The following SRP54 variants were observed in gnomAD, a reference collection of about 807,000 sequenced individuals.
SRP54 encodes signal recognition particle subunit SRP54.
In SRP54, 10 loss-of-function variants were observed where a neutral mutation model predicts 64.8. The observed-to-expected ratio is 0.15, with a 90% confidence interval of 0.10 to 0.26. The LOEUF is 0.26. SRP54 is among the 10% of genes least tolerant of loss of function. SRP54 has a pLI of 1.00. For missense variants in SRP54, 325 were observed against 613.7 expected (o/e 0.53, Z 4.97); for synonymous variants, 193 against 185.6 (o/e 1.04, Z -0.32).
Position 35,000,987 on chromosome 14 carries a change from G to T in SRP54, c.222G>T (p.Met74Ile), listed in dbSNP as rs767426097. ...CATCTGGTCTTAACAAAAGAAAAAT[G>T]ATTCAGCATGCTGTATTTAAAGAAC... ...EMASGLNKRK[M>I]IQHAVFKELV... is the part of the protein sequence containing the mutation. Residue 74 changes from methionine (M) to isoleucine (I), a missense_variant, in exon 4 of 16, where the codon ATG becomes ATT. Coordinates refer to ENST00000216774, the MANE Select transcript of SRP54 (RefSeq NM_003136.4). 9 of 1,594,560 alleles carry T rather than the reference G, an allele frequency of 5.6e-6. No homozygotes were observed. The highest frequency in any genetic ancestry group is 7.7e-6 in the Non-Finnish European group (9 of 1,170,560).
rs968988436 is a variant in SRP54, at chr14:34,987,496, G to T, written c.-34+4281G>T. Among the ~76,000 whole-genome samples the T allele has an allele frequency of 1.3e-5, 2 of 151,976 alleles. 1 individual carries two copies. The highest frequency in any genetic ancestry group is 6.8e-3 in the Middle Eastern group (2 of 292). Reference sequence around the variant, plus strand: ...AACTATTAATCCACTTTCTGTCTCTGTAGATTTATGTATTCTGAACAATTC... The same window carrying T: ...AACTATTAATCCACTTTCTGTCTCTTTAGATTTATGTATTCTGAACAATTC... On this transcript the variant is annotated intron_variant, in intron 1 of 15. Coordinates refer to ENST00000216774, the MANE Select transcript of SRP54 (RefSeq NM_003136.4).
chr14:35,004,678 A>G (rs1442401348), intron 4 of SRP54: 1 of 152,334 alleles, frequency 6.6e-6, no homozygotes, highest in East Asian at 1.9e-4. Context: ...TAAAACATAT[A>G]TGTTCCAAAT....
rs2044272609 is a variant in SRP54, at chr14:35,007,351, A to G, written c.324A>G (p.Gly108=). ...KGKQNVIMFV[G]LQGSGKTTTC... Reference sequence around the variant, plus strand: ...AACAAAATGTGATTATGTTTGTTGGATTGCAAGGGAGTGGTAAAACAACAA... The same window carrying G: ...AACAAAATGTGATTATGTTTGTTGGGTTGCAAGGGAGTGGTAAAACAACAA... Residue 108 remains glycine, a synonymous_variant, in exon 5 of 16, where the codon GGA becomes GGG. Transcript: ENST00000216774. 1 of 1,595,548 alleles carries G rather than the reference A, an allele frequency of 6.3e-7. No individual in the cohort carries two copies.
Position 35,002,600 on chromosome 14 carries a change from T to C in SRP54, c.255+1580T>C, listed in dbSNP as rs1280477167. Among the ~76,000 whole-genome samples, 5 of 150,246 alleles carry C rather than the reference T, an allele frequency of 3.3e-5. No individual in the cohort carries two copies. In the Admixed American group the frequency reaches 3.3e-4, roughly 10 times the overall value. Reference sequence around the variant, plus strand: ...GGTGTGTGCCACCACGCCCAGCTAATTTTTTTTTGTATTTTTAGTTGAGAT... The same window carrying C: ...GGTGTGTGCCACCACGCCCAGCTAACTTTTTTTTGTATTTTTAGTTGAGAT... On this transcript the variant is annotated intron_variant, in intron 4 of 15. Transcript: ENST00000216774.
chr14:35,018,649 G>A (rs772073905), intron 11 of SRP54, 43 bp from the exon 12 acceptor site: 5 of 1,489,850 alleles, frequency 3.4e-6, no homozygotes, highest in Non-Finnish European at 4.6e-6. Flanking sequence ...GAATGGAAAT[G>A]TACATACTTT....
intron 1 of SRP54, among the ~76,000 whole-genome samples, chr14:34,992,340 A>T (rs1034236437): frequency 6.6e-6 from 1 of 152,124 alleles, no homozygotes; most frequent in African/African-American, 2.4e-5. Context: ...ACTGCCAGTA[A>T]CTACTTGCAG....
In SRP54 at chr14:34,996,679, T is replaced by C. The variant is rs1471786998; in HGVS notation, c.-31T>C. The C allele has an allele frequency of 6.6e-7, 1 of 1,516,446 alleles. No individual in the cohort carries two copies. The highest frequency in any genetic ancestry group is 1.1e-5 in the South Asian group (1 of 89,002). 93.9% of individuals were successfully genotyped at this position (1,516,446 alleles called of 1,614,324 possible). ...ACTTAATTTTTTTTCTGCTGTAGAG[T>C]TCTTCGTAAGTACATCTTAAAGCTG... is the stretch of plus-strand genomic sequence containing the variant. On this transcript the variant is annotated splice_region_variant and 5_prime_UTR_variant, in exon 2 of 16. Transcript: ENST00000216774.
At chr14:34,998,325 T>C (rs759542667) in intron 2 of SRP54, among the ~76,000 whole-genome samples, 1 of 152,200 alleles carries the variant, frequency 6.6e-6, no homozygotes, top group Non-Finnish European at 1.5e-5. Context: ...TAAAGCCTCA[T>C]CTTTTCTTAA....
At chr14:34,999,523 G>C in intron 2 of SRP54, 35 bp from the exon 3 acceptor site, 1 of 1,478,446 alleles carries the variant, frequency 6.8e-7, no homozygotes, top group Non-Finnish European at 9.4e-7. Context: ...TGAAACATTG[G>C]GTGCTTTAAA....
At chr14:35,022,436 A>C (rs1031078505) in intron 13 of SRP54, among the ~76,000 whole-genome samples, 42 of 151,664 alleles carry the variant, frequency 2.8e-4, no homozygotes, top group Non-Finnish European at 1.3e-4. Context: ...GGCTCACTGC[A>C]ACCTCTGCCT....
chr14:35,014,618 T>C lies in SRP54; in HGVS notation c.887-126T>C, dbSNP rs2044409033. The C allele has an allele frequency of 7.1e-6, 5 of 703,846 alleles. No homozygotes were observed. In the Admixed American group the frequency reaches 1.1e-4, roughly 15 times the overall value. The allele number at this position is 703,846 out of a possible 1,614,324, so 43.6% of individuals were successfully genotyped here. ...TTCTTAGCTTTGGTTTTCTCATTTGTGTAGTGTAGTAAGAATACCTAACCT... is the reference window on the plus strand; with the variant it reads ...TTCTTAGCTTTGGTTTTCTCATTTGCGTAGTGTAGTAAGAATACCTAACCT... On this transcript the variant is annotated intron_variant, in intron 10 of 15. Transcript: ENST00000216774.
intron 1 of SRP54, among the ~76,000 whole-genome samples, chr14:34,994,017 G>T (rs575047895): frequency 6.7e-6 from 1 of 149,540 alleles, no homozygotes. Context: ...TTTTTAATAC[G>T]GACTTTCTCT....
At position 35,008,651 on chromosome 14, in the gene SRP54, G is replaced by T; in HGVS notation, c.385G>T (p.Gly129Cys). The change falls in exon 6 of 16, where the codon GGT becomes TGT. Residue 129 changes from glycine (G) to cysteine (C), a missense_variant. Physicochemically the swap from Gly to Cys is radical, Grantham distance 159. This residue lies in a region of SRP54 where 156 missense variants were observed against 254.6 expected (regional missense o/e 0.61). Coordinates refer to ENST00000216774, the MANE Select transcript of SRP54 (RefSeq NM_003136.4). ...GCTAGCATATTATTACCAGAGGAAA[G>T]GTTGGAAGACCTGTTTAATATGTGC... ...SKLAYYYQRK[G>C]WKTCLICADT... The T allele has an allele frequency of 6.3e-7, 1 of 1,589,566 alleles. No individual in the cohort carries two copies. Among genetic ancestry groups the T allele is most frequent in the Non-Finnish European group, 8.6e-7 (1 of 1,168,060 alleles).
At chr14:34,998,388 T>G (rs1566645069) in intron 2 of SRP54, among the ~76,000 whole-genome samples, 1 of 152,078 alleles carries the variant, frequency 6.6e-6, no homozygotes, top group Non-Finnish European at 1.5e-5. Flanking sequence ...TCAACAAACA[T>G]ATGATGATAA....
chr14:35,011,691 G>C (rs2044359740), intron 8 of SRP54, 32 bp downstream of exon 8: 1 of 1,440,520 alleles, frequency 6.9e-7, no homozygotes, highest in Non-Finnish European at 9.2e-7. Flanking sequence ...ACTATTATTA[G>C]GACTTTGGTT....
intron 15 of SRP54, among the ~76,000 whole-genome samples, chr14:35,028,563 G>GA (rs2044671654): frequency 6.6e-6 from 1 of 151,796 alleles, no homozygotes; most frequent in African/African-American, 2.4e-5. Flanking sequence ...TTCCCCTTCG[G>GA]TAAAATCACA....
At chr14:35,000,619 G>T (rs1195550202) in intron 3 of SRP54, among the ~76,000 whole-genome samples, 1 of 151,674 alleles carries the variant, frequency 6.6e-6, no homozygotes, top group Non-Finnish European at 1.5e-5. Flanking sequence ...CCTGATTTCT[G>T]TTGTAAAGAT....
chr14:35,018,222 GA>G (rs2044474111), intron 11 of SRP54, among the ~76,000 whole-genome samples: 1 of 152,128 alleles, frequency 6.6e-6, no homozygotes, highest in African/African-American at 2.4e-5. Flanking sequence ...TTTTATTGCT[GA>G]ATAATATTTT....
At chr14:35,026,963 A>C (rs574217490) in intron 14 of SRP54, among the ~76,000 whole-genome samples, 5 of 152,114 alleles carry the variant, frequency 3.3e-5, no homozygotes, top group African/African-American at 9.6e-5. Flanking sequence ...CAAAACAAAA[A>C]AAACTTCTTA....
Sources: allele counts gnomAD v4.1 joint callset (sites outside exome capture counted in the v4.1 genomes callset), GRCh38; gene constraint gnomAD v4.1.1; regional missense constraint gnomAD v4.1.1; transcripts MANE v1.5; gene names NCBI Gene and HGNC (gene_info 2026-07-23, HGNC 2026-07-21).